Variants in CCDC7 observed in about 807,000 individuals in gnomAD.
The protein encoded by CCDC7 is coiled-coil domain containing 7, also known as coiled-coil domain-containing protein 7.
CCDC7 carries 183 observed loss-of-function variants against 196.9 expected under a neutral mutation model. The observed-to-expected ratio is 0.93, with a 90% confidence interval of 0.82 to 1.05. The LOEUF (loss-of-function observed/expected upper bound fraction) is 1.05, where lower values mean the gene tolerates loss of function less well. CCDC7 is among the 50% of genes least tolerant of loss of function. The pLI, the probability that CCDC7 is intolerant of heterozygous loss-of-function variation, is 0.00. For synonymous variants in CCDC7, 525 were observed against 484.6 expected, an observed-to-expected ratio of 1.08 and a Z score of -1.10; for missense variants, 1,540 against 1,482.2, an observed-to-expected ratio of 1.04 and a Z score of -0.64.
chr10:32,854,472 G>A (rs1217877346), exon 41 of CCDC7: 1 of 1,577,924 alleles, frequency 6.3e-7, no homozygotes, highest in Non-Finnish European at 8.7e-7. Context: ...AATACAGTTG[G>A]AAAACCTACC....
intron 9 of CCDC7, among the ~76,000 whole-genome samples, chr10:32,510,508 T>C (rs2045942959): frequency 6.6e-6 from 1 of 152,212 alleles, no homozygotes; most frequent in Non-Finnish European, 1.5e-5. Flanking sequence ...ACGGAAACAT[T>C]TGGAAATGAG....
At chr10:32,454,377 C>T (rs1038991714) in intron 2 of CCDC7, among the ~76,000 whole-genome samples, 1 of 152,026 alleles carries the variant, frequency 6.6e-6, no homozygotes, top group Non-Finnish European at 1.5e-5. Context: ...AGAACCAAAA[C>T]TAAAATCTGA....
At chr10:32,445,282 C>T (rs1374205667), upstream of CCDC7, among the ~76,000 whole-genome samples, 1 of 152,018 alleles carries the variant, frequency 6.6e-6, no homozygotes, top group Non-Finnish European at 1.5e-5. Flanking sequence ...ATGGAGCTAG[C>T]CTACACCAGC....
At chr10:32,757,150 A>G (rs1212563006) in intron 28 of CCDC7, among the ~76,000 whole-genome samples, 2 of 152,054 alleles carry the variant, frequency 1.3e-5, no homozygotes, top group East Asian at 3.9e-4. Flanking sequence ...CACAATAATA[A>G]TGGGAGACTT....
At chr10:32,750,144 C>G (rs1364406678) in intron 28 of CCDC7, among the ~76,000 whole-genome samples, 1 of 152,108 alleles carries the variant, frequency 6.6e-6, no homozygotes, top group East Asian at 1.9e-4. Flanking sequence ...AAATAATTCT[C>G]TAAATATCCT....
rs575192098 is a variant in CCDC7 at position 32,780,664 on chromosome 10, CAT to C, written c.3013+1581_3013+1582del. On this transcript the variant is annotated intron_variant, in intron 29 of 41. Coordinates refer to ENST00000639629, the Ensembl canonical transcript of CCDC7. ...TGAAGAAAAGAGAAAGGAATCAAAACATGTGCCTACAAAAAGTCAACTAAACA... is the reference window on the plus strand; with the variant it reads ...TGAAGAAAAGAGAAAGGAATCAAAACGTGCCTACAAAAAGTCAACTAAACA... 3.9e-5 allele frequency among the ~76,000 whole-genome samples: 6 copies of C among 152,086 alleles called. No individual in the cohort carries two copies. In the South Asian group the frequency reaches 8.3e-4, roughly 21 times the overall value.
At chr10:32,693,680 C>T (rs2077347473) in intron 23 of CCDC7, among the ~76,000 whole-genome samples, 1 of 152,122 alleles carries the variant, frequency 6.6e-6, no homozygotes, top group African/African-American at 2.4e-5. Context: ...GATTCCTAGC[C>T]AGGCACATGG....
rs1436706829 is a variant in CCDC7 at position 32,463,050 on chromosome 10, G to C, written c.510+1G>C. 6.2e-7 allele frequency: 1 copy of C among 1,613,394 alleles called. No homozygotes were observed. Among genetic ancestry groups the C allele is most frequent in the Non-Finnish European group, 8.5e-7 (1 of 1,179,708 alleles). The stretch of plus-strand genomic sequence containing the variant: ...GTGGCAGGTCAATCAGATGGAAGAA[G>C]TAAGTCTAACGTTTTAAAATTGTTA... On this transcript the variant is annotated splice_donor_variant, in intron 5 of 41. Transcript: ENST00000639629. LOFTEE classifies it high-confidence loss of function.
chr10:32,871,375 A>G (rs895546457), intron 41 of CCDC7, among the ~76,000 whole-genome samples: 20 of 152,154 alleles, frequency 1.3e-4, no homozygotes, highest in South Asian at 8.3e-4. Flanking sequence ...TAGATTTTCT[A>G]GTTTATTTGC....
In CCDC7 at chr10:32,534,379, G is replaced by T. The variant is rs191681680; in HGVS notation, c.994-8921G>T. Reference sequence around the variant, plus strand: ...TTGAATTCTTGTTCCGAGAACTCATGAATTAACATCTTGTTATGGTCAGTC... The same window carrying T: ...TTGAATTCTTGTTCCGAGAACTCATTAATTAACATCTTGTTATGGTCAGTC... On this transcript the variant is annotated intron_variant, in intron 11 of 41. Coordinates refer to ENST00000639629, the Ensembl canonical transcript of CCDC7. 3.9e-5 allele frequency among the ~76,000 whole-genome samples: 6 copies of T among 152,268 alleles called. No individual in the cohort carries two copies. The East Asian group carries it at 1.2e-3, about 29-fold the overall frequency.
intron 18 of CCDC7, among the ~76,000 whole-genome samples, chr10:32,609,934 T>C (rs2061920241): frequency 6.6e-6 from 1 of 152,112 alleles, no homozygotes. Flanking sequence ...CTGAGTAGTG[T>C]ATATAGTGCA....
chr10:32,743,212 G>C (rs1331837680), intron 28 of CCDC7, among the ~76,000 whole-genome samples: 1 of 152,122 alleles, frequency 6.6e-6, no homozygotes, highest in Non-Finnish European at 1.5e-5. Context: ...GACAAGAATA[G>C]GTTTAGTTTT....
chr10:32,584,318 GT>G lies in CCDC7; in HGVS notation c.1801+18del. On this transcript the variant is annotated intron_variant, in intron 18 of 41. Transcript: ENST00000639629. ...AAAAATCTCAAGGTAAAAAGACTCT[GT>G]TTTGGAAGATGAAAATGTGATTGAA... The G allele has an allele frequency of 6.5e-7, 1 of 1,544,290 alleles. No homozygotes were observed. The highest frequency in any genetic ancestry group is 8.9e-7 in the Non-Finnish European group (1 of 1,122,392).
intron 41 of CCDC7, among the ~76,000 whole-genome samples, chr10:32,866,415 A>G (rs1369586783): frequency 6.6e-6 from 1 of 151,852 alleles, no homozygotes; most frequent in African/African-American, 2.4e-5. Context: ...AAATGAACAA[A>G]TCAATTTAAA....
At chr10:32,818,561 A>G (rs1044986803) in intron 31 of CCDC7, among the ~76,000 whole-genome samples, 1 of 152,184 alleles carries the variant, frequency 6.6e-6, no homozygotes, top group South Asian at 2.1e-4. Flanking sequence ...CACCACACCT[A>G]TTCCAAAATT....
At chr10:32,509,176 A>G (rs2045692556) in intron 9 of CCDC7, among the ~76,000 whole-genome samples, 1 of 152,162 alleles carries the variant, frequency 6.6e-6, no homozygotes, top group Admixed American at 6.5e-5. Flanking sequence ...AGCTACAGTA[A>G]TTAATACAGT....
At chr10:32,550,340 G>A (rs1413748960) in intron 13 of CCDC7, among the ~76,000 whole-genome samples, 1 of 151,318 alleles carries the variant, frequency 6.6e-6, no homozygotes, top group Non-Finnish European at 1.5e-5. Flanking sequence ...CAAGGTAAAT[G>A]ATTGTCAGCA....
At chr10:32,738,827 G>C (rs541209599) in intron 28 of CCDC7, among the ~76,000 whole-genome samples, 47 of 152,042 alleles carry the variant, frequency 3.1e-4, no homozygotes, top group African/African-American at 7.0e-4. Flanking sequence ...GTAGACCTGT[G>C]TTTCTGACAT....
In CCDC7 at chr10:32,849,507, A is replaced by G. The variant is rs1031991162; in HGVS notation, c.3895+789A>G. Among the ~76,000 whole-genome samples, 9 of 151,996 alleles carry G rather than the reference A, an allele frequency of 5.9e-5. No individual in the cohort carries two copies. In the East Asian group the frequency reaches 1.7e-3, roughly 29 times the overall value. On this transcript the variant is annotated intron_variant, in intron 39 of 41. Transcript: ENST00000639629. ...ATCACGAGGTCAAGAGATAGAGACC[A>G]TCCTGGCCAACATGGTGAAACCCTG...
Sources: allele counts gnomAD v4.1 joint callset (sites outside exome capture counted in the v4.1 genomes callset), GRCh38; gene constraint gnomAD v4.1.1; transcripts MANE v1.5; gene names NCBI Gene and HGNC (gene_info 2026-07-23, HGNC 2026-07-21).